CTNNA3: variants seen among roughly 807,000 people sequenced by gnomAD.
The protein encoded by CTNNA3 is catenin alpha 3.
Under a neutral mutation model 95.7 loss-of-function variants are expected in CTNNA3, and 76 were observed. The ratio of observed to expected loss-of-function variants is 0.79; its 90% CI spans 0.66 to 0.96. The LOEUF (loss-of-function observed/expected upper bound fraction) is 0.96. Ranked by LOEUF, CTNNA3 falls within the 40% of genes least tolerant of loss-of-function variation. CTNNA3 has a pLI of 0.00. For synonymous variants in CTNNA3, 431 were observed against 374.4 expected (o/e 1.15, Z -1.74); for missense variants, 1,191 against 1,089.8 (o/e 1.09, Z -1.31).
intron 3 of CTNNA3, among the ~76,000 whole-genome samples, chr10:67,585,131 T>C (rs1420245719): frequency 6.6e-6 from 1 of 152,164 alleles, no homozygotes; most frequent in East Asian, 1.9e-4. Flanking sequence ...AAATCACCCA[T>C]CTTCTGCGTC....
At chr10:67,422,373 A>G (rs972706675) in intron 5 of CTNNA3, among the ~76,000 whole-genome samples, 1 of 152,220 alleles carries the variant, frequency 6.6e-6, no homozygotes, top group African/African-American at 2.4e-5. Flanking sequence ...GAAGGAAGAG[A>G]GAGAGAATGA....
chr10:67,383,232 A>G (rs1844016387), intron 5 of CTNNA3, among the ~76,000 whole-genome samples: 1 of 152,166 alleles, frequency 6.6e-6, no homozygotes, highest in Non-Finnish European at 1.5e-5. Flanking sequence ...AAATTTCTAA[A>G]CAGGAAGTAT....
intron 5 of CTNNA3, among the ~76,000 whole-genome samples, chr10:67,498,518 T>C (rs964983855): frequency 6.6e-6 from 1 of 151,828 alleles, no homozygotes; most frequent in Admixed American, 6.6e-5. Context: ...TATAAATTAC[T>C]TTGGGCATAA....
At chr10:65,927,360 G>A (rs938943439) in intron 17 of CTNNA3, among the ~76,000 whole-genome samples, 4 of 152,094 alleles carry the variant, frequency 2.6e-5, no homozygotes, top group African/African-American at 9.7e-5. Context: ...AATATCATAT[G>A]CTTTAGGTAC....
At position 66,398,608 on chromosome 10, in the gene CTNNA3, A is replaced by G. The variant is rs76262570; in HGVS notation, c.1532-19256T>C. On this transcript the variant is annotated intron_variant, in intron 11 of 17. Transcript: ENST00000433211. The stretch of plus-strand genomic sequence containing the variant: ...GAAGAAAGGTAACATGACGGCAAAA[A>G]CACTGATAGAAATGAGAGGTACAGT... Among the ~76,000 whole-genome samples, 274 of 152,108 alleles carry G rather than the reference A, an allele frequency of 1.8e-3. 5 individuals are homozygous for G. In the East Asian group the frequency reaches 0.048, roughly 26 times the overall value.
chr10:66,776,232 C>T (rs1185205774), intron 7 of CTNNA3, among the ~76,000 whole-genome samples: 1 of 152,108 alleles, frequency 6.6e-6, no homozygotes, highest in Admixed American at 6.6e-5. Flanking sequence ...TGGATTAAAT[C>T]TAATCATACT....
chr10:67,409,285 C>A (rs547945315), intron 5 of CTNNA3, among the ~76,000 whole-genome samples: 2 of 152,004 alleles, frequency 1.3e-5, no homozygotes, highest in Non-Finnish European at 2.9e-5. Flanking sequence ...CGCATGCACA[C>A]GTATGTTTAT....
chr10:66,115,576 AGATG>A (rs755789093), intron 13 of CTNNA3, among the ~76,000 whole-genome samples: 1 of 132,760 alleles, frequency 7.5e-6, no homozygotes, highest in Admixed American at 7.9e-5. Context: ...ATAGACAGAT[AGATG>A]ATAGATAGAT....
chr10:66,764,575 TG>T (rs1839764675), intron 9 of CTNNA3, among the ~76,000 whole-genome samples: 1 of 152,204 alleles, frequency 6.6e-6, no homozygotes, highest in Non-Finnish European at 1.5e-5. Flanking sequence ...AATTCAATTT[TG>T]TCAGCATAAA....
At chr10:66,157,491 G>A (rs865979547) in intron 13 of CTNNA3, among the ~76,000 whole-genome samples, 3 of 147,372 alleles carry the variant, frequency 2.0e-5, no homozygotes, top group African/African-American at 5.0e-5. Context: ...AGATAGATAT[G>A]TAGATAGATA....
intron 5 of CTNNA3, among the ~76,000 whole-genome samples, chr10:67,342,188 G>A (rs1368245714): frequency 1.5e-5 from 2 of 132,110 alleles, no homozygotes; most frequent in Non-Finnish European, 3.1e-5. Flanking sequence ...GGCAAGCTCC[G>A]CCTCCCGGGT....
intron 7 of CTNNA3, among the ~76,000 whole-genome samples, chr10:66,971,198 C>T (rs1469324791): frequency 1.3e-5 from 2 of 152,042 alleles, no homozygotes; most frequent in African/African-American, 4.8e-5. Flanking sequence ...GAGACCGAGG[C>T]AGGCAGATCA....
At chr10:66,932,073 C>T (rs181358459) in intron 7 of CTNNA3, among the ~76,000 whole-genome samples, 146 of 152,274 alleles carry the variant, frequency 9.6e-4, no homozygotes, top group African/African-American at 2.1e-3. Context: ...GCTGATTGTG[C>T]CAGTGACCTG....
chr10:65,989,544 T>C (rs1278255641), intron 15 of CTNNA3, among the ~76,000 whole-genome samples: 2 of 152,190 alleles, frequency 1.3e-5, no homozygotes, highest in African/African-American at 4.8e-5. Flanking sequence ...GTATTTCACA[T>C]TTTTTCTGTT....
intron 7 of CTNNA3, among the ~76,000 whole-genome samples, chr10:66,913,692 G>A (rs1402720593): frequency 6.6e-6 from 1 of 152,160 alleles, no homozygotes; most frequent in Non-Finnish European, 1.5e-5. Context: ...AAAGTCATGA[G>A]AAGCACCAGA....
chr10:66,096,293 A>G lies in CTNNA3; in HGVS notation c.1977+6864T>C, dbSNP rs2081382794. Reference sequence around the variant, plus strand: ...ACCTTTGATTTAGTATTTAGACCTTATTGGATTTCAAGTTGTACAGGCGGA... The same window carrying G: ...ACCTTTGATTTAGTATTTAGACCTTGTTGGATTTCAAGTTGTACAGGCGGA... On this transcript the variant is annotated intron_variant, in intron 14 of 17. Transcript: ENST00000433211. 2.0e-5 allele frequency among the ~76,000 whole-genome samples: 3 copies of G among 152,198 alleles called. No homozygotes were observed. The South Asian group carries it at 6.2e-4, about 32-fold the overall frequency.
At chr10:66,424,563 A>G (rs949758545) in intron 11 of CTNNA3, among the ~76,000 whole-genome samples, 1 of 152,070 alleles carries the variant, frequency 6.6e-6, no homozygotes, top group African/African-American at 2.4e-5. Context: ...TTAGATATTT[A>G]TAAATAAATT....
intron 7 of CTNNA3, among the ~76,000 whole-genome samples, chr10:67,149,563 C>A (rs542669421): frequency 2.0e-5 from 3 of 152,050 alleles, no homozygotes; most frequent in Non-Finnish European, 4.4e-5. Flanking sequence ...CCAGCCTGGG[C>A]AACAGAGATA....
intron 9 of CTNNA3, among the ~76,000 whole-genome samples, chr10:66,752,113 T>C (rs903476299): frequency 1.3e-5 from 2 of 152,186 alleles, no homozygotes; most frequent in South Asian, 2.1e-4. Context: ...AAAATTTACA[T>C]GGAAAAGCTA....
Sources: gnomAD v4.1 joint callset for allele counts (sites outside exome capture counted in the v4.1 genomes callset) on GRCh38, gnomAD v4.1.1 for gene constraint, MANE v1.5 for transcripts, NCBI Gene and HGNC (gene_info 2026-07-23, HGNC 2026-07-21) for gene names.